The following CEP112 variants were observed in gnomAD, a reference collection of about 807,000 sequenced individuals.
The protein encoded by CEP112 is centrosomal protein of 112 kDa.
Under a neutral mutation model 153.0 loss-of-function variants are expected in CEP112, and 127 were observed. The observed-to-expected ratio is 0.83, with a 90% CI of 0.72 to 0.96. The LOEUF (loss-of-function observed/expected upper bound fraction) is 0.96. CEP112 is among the 40% of genes least tolerant of loss of function. The pLI, the probability that CEP112 is intolerant of heterozygous loss-of-function variation, is 0.00. For missense variants in CEP112, 1,089 were observed against 1,101.2 expected (o/e 0.99, Z 0.16); for synonymous variants, 358 against 374.4 (o/e 0.96, Z 0.51).
In CEP112 at chr17:65,971,576, G is replaced by A. The variant is rs73338624; in HGVS notation, c.1737-9978C>T. On this transcript the variant is annotated intron_variant, in intron 17 of 26. Transcript: ENST00000535342. Reference sequence around the variant, plus strand: ...GTTACATGTGTGTTGTATGTATATGGCATGTATATTACATGCATGCATATT... The same window carrying A: ...GTTACATGTGTGTTGTATGTATATGACATGTATATTACATGCATGCATATT... Among the ~76,000 whole-genome samples, 200 of 152,132 alleles carry A rather than the reference G, an allele frequency of 1.3e-3. 2 individuals carry two copies. Among genetic ancestry groups the A allele is most frequent in the African/African-American group, 4.5e-3 (185 of 41,502 alleles).
intron 17 of CEP112, among the ~76,000 whole-genome samples, chr17:65,970,035 C>A (rs2062607869): frequency 6.6e-6 from 1 of 152,168 alleles, no homozygotes; most frequent in African/African-American, 2.4e-5. Flanking sequence ...ACGCCACATG[C>A]ATATTGCATG....
intron 20 of CEP112, among the ~76,000 whole-genome samples, chr17:65,871,561 G>A (rs1056781013): frequency 6.6e-6 from 1 of 152,182 alleles, no homozygotes; most frequent in African/African-American, 2.4e-5. Context: ...CATGAATCTG[G>A]GAGGCGGAGA....
rs543425876 is a variant in CEP112 at position 65,842,039 on chromosome 17, C to T, written c.2394+9765G>A. 3.3e-5 allele frequency among the ~76,000 whole-genome samples: 5 copies of T among 152,034 alleles called. No individual in the cohort carries two copies. The South Asian group carries it at 6.2e-4, about 19-fold the overall frequency. On this transcript the variant is annotated intron_variant, in intron 21 of 26. Coordinates refer to ENST00000535342, the MANE Select transcript of CEP112 (RefSeq NM_001199165.4). ...TTCTACTTTCAATAACTTCCCAAGT[C>T]GAGTCACTGTCTTTTGCTGTATTGA...
chr17:65,865,747 C>T (rs2058460988), intron 20 of CEP112, among the ~76,000 whole-genome samples: 1 of 152,242 alleles, frequency 6.6e-6, no homozygotes, highest in Non-Finnish European at 1.5e-5. Flanking sequence ...AGGGAAAATG[C>T]AGAGAGAAGG....
intron 21 of CEP112, among the ~76,000 whole-genome samples, chr17:65,815,560 G>A (rs1281682424): frequency 6.6e-6 from 1 of 152,114 alleles, no homozygotes; most frequent in Non-Finnish European, 1.5e-5. Flanking sequence ...AGGTTTGGAT[G>A]AGGACTGCAC....
At chr17:65,805,067 T>G (rs2055517237) in intron 21 of CEP112, among the ~76,000 whole-genome samples, 2 of 152,024 alleles carry the variant, frequency 1.3e-5, no homozygotes, top group Admixed American at 6.6e-5. Flanking sequence ...CAGGCTGGTC[T>G]CAGACTCCTG....
intron 22 of CEP112, among the ~76,000 whole-genome samples, chr17:65,747,690 T>C (rs952808073): frequency 6.6e-6 from 1 of 152,138 alleles, no homozygotes; most frequent in Non-Finnish European, 1.5e-5. Context: ...AAATGATATT[T>C]GGGGGCGTGC....
chr17:65,970,450 TTACA>T (rs1568314422), intron 17 of CEP112, among the ~76,000 whole-genome samples: 2 of 55,984 alleles, frequency 3.6e-5, no homozygotes, highest in Admixed American at 3.0e-4. Context: ...TGCATGTATA[TTACA>T]TGCATGCACA....
intron 12 of CEP112, among the ~76,000 whole-genome samples, chr17:66,051,791 C>T (rs2066453188): frequency 6.6e-6 from 1 of 152,202 alleles, no homozygotes; most frequent in Non-Finnish European, 1.5e-5. Flanking sequence ...AGACAGAGTT[C>T]ATGCCTGGGA....
chr17:65,721,098 G>A (rs753346042), intron 23 of CEP112, among the ~76,000 whole-genome samples: 4 of 146,294 alleles, frequency 2.7e-5, no homozygotes, highest in Non-Finnish European at 5.9e-5. Context: ...TGCAAGCTTC[G>A]CCTCCCGGGT....
intron 21 of CEP112, among the ~76,000 whole-genome samples, chr17:65,815,498 T>C (rs941542190): frequency 1.3e-5 from 2 of 152,100 alleles, no homozygotes. Flanking sequence ...GATTTGACAA[T>C]GCTGTAATGA....
intron 17 of CEP112, among the ~76,000 whole-genome samples, chr17:65,992,610 C>G (rs1307430871): frequency 6.6e-6 from 1 of 152,124 alleles, no homozygotes; most frequent in African/African-American, 2.4e-5. Flanking sequence ...GTACAGAAAT[C>G]TTTATGTTTA....
chr17:65,948,833 A>G (rs1252509815), intron 18 of CEP112, among the ~76,000 whole-genome samples: 1 of 152,156 alleles, frequency 6.6e-6, no homozygotes, highest in East Asian at 1.9e-4. Flanking sequence ...TTGAAACAGC[A>G]ATTCTCTTTC....
At chr17:66,174,327 T>A (rs1349161361) in intron 4 of CEP112, among the ~76,000 whole-genome samples, 1 of 152,200 alleles carries the variant, frequency 6.6e-6, no homozygotes, top group African/African-American at 2.4e-5. Context: ...CATTTCTATA[T>A]CTGTTTAAGG....
intron 23 of CEP112, among the ~76,000 whole-genome samples, chr17:65,718,508 T>C (rs761926269): frequency 9.9e-5 from 15 of 152,216 alleles, no homozygotes; most frequent in Non-Finnish European, 1.8e-4. Context: ...CAATACTATG[T>C]TTTCATGAGC....
chr17:65,731,346 C>T (rs762090425), intron 23 of CEP112, among the ~76,000 whole-genome samples: 19 of 152,138 alleles, frequency 1.2e-4, no homozygotes, highest in Non-Finnish European at 2.4e-4. Flanking sequence ...TAGTCTATTA[C>T]GTGTGCGATA....
chr17:65,871,355 C>G (rs924756293), intron 20 of CEP112, among the ~76,000 whole-genome samples: 5 of 152,066 alleles, frequency 3.3e-5, no homozygotes, highest in African/African-American at 9.7e-5. Context: ...TAAATACATG[C>G]AGGCCGGGCA....
intron 21 of CEP112, chr17:65,804,281 T>C (rs982214904): frequency 1.3e-5 from 2 of 152,006 alleles, no homozygotes; most frequent in African/African-American, 4.8e-5. Flanking sequence ...TAAAATTAGA[T>C]GAGCCGCTCA....
chr17:65,936,658 C>T (rs1229789785), intron 18 of CEP112, among the ~76,000 whole-genome samples: 1 of 147,570 alleles, frequency 6.8e-6, no homozygotes, highest in African/African-American at 2.5e-5. Context: ...TTAGACAACG[C>T]ATTAATAAAA....
Sources: gnomAD v4.1 joint callset for allele counts (sites outside exome capture counted in the v4.1 genomes callset) on GRCh38, gnomAD v4.1.1 for gene constraint, MANE v1.5 for transcripts, NCBI Gene and HGNC (gene_info 2026-07-23, HGNC 2026-07-21) for gene names.